RCOR3: variants seen among roughly 807,000 people sequenced by gnomAD.
The protein encoded by RCOR3 is REST corepressor 3.
RCOR3 carries 13 observed loss-of-function variants against 64.1 expected under a neutral mutation model. That is an observed-to-expected ratio of 0.20 (90% CI 0.13 to 0.32). The LOEUF is 0.32. Among genes scored for constraint, RCOR3 ranks in the 10% least tolerant of loss-of-function variants. RCOR3 has a pLI of 1.00. For synonymous variants in RCOR3, 215 were observed against 239.0 expected, an observed-to-expected ratio of 0.90 and a Z score of 0.93; for missense variants, 489 against 701.2, an observed-to-expected ratio of 0.70 and a Z score of 3.42.
At chr1:211,292,005 A>T (rs1317711438) in intron 8 of RCOR3, among the ~76,000 whole-genome samples, 3 of 152,158 alleles carry the variant, frequency 2.0e-5, no homozygotes, top group Non-Finnish European at 4.4e-5. Context: ...TCTGTAGTGT[A>T]GTCCTAGCAA....
intron 2 of RCOR3, among the ~76,000 whole-genome samples, chr1:211,265,406 A>C (rs763196266): frequency 6.6e-6 from 1 of 151,968 alleles, no homozygotes; most frequent in African/African-American, 2.4e-5. Context: ...ATCATATATA[A>C]TTTTTTTTGT....
chr1:211,311,649 T>G (rs1183312373), intron 10 of RCOR3, among the ~76,000 whole-genome samples: 1 of 152,204 alleles, frequency 6.6e-6, no homozygotes, highest in African/African-American at 2.4e-5. Flanking sequence ...TGTTATTAAT[T>G]TAAGCCCCCA....
rs1427058317 is a variant in RCOR3 at position 211,295,743 on chromosome 1, A to G, written c.1007A>G (p.Lys336Arg). Reference protein sequence around the residue: ...QKMEGGIEEFKPPESNQKINA... With the variant: ...QKMEGGIEEFRPPESNQKINA... ...ATGGAAGGTGGAATTGAAGAATTCA[A>G]ACCTCCTGAGGTATGTTATTGAAGG... The change falls in exon 9 of 12, where the codon AAA becomes AGA. Residue 336 changes from lysine to arginine, a missense_variant. Physicochemically the swap from Lys to Arg is conservative, Grantham distance 26 (BLOSUM62 2). Around this residue, in one of 2 missense-constraint regions of RCOR3, gnomAD observed 402 missense variants for 617.0 expected, o/e 0.65. Coordinates refer to ENST00000419091, the MANE Select transcript of RCOR3 (RefSeq NM_001136223.3). The G allele has an allele frequency of 3.1e-6, 5 of 1,613,164 alleles. No individual in the cohort carries two copies. The highest frequency in any genetic ancestry group is 2.2e-5 in the South Asian group (2 of 91,066).
intron 8 of RCOR3, among the ~76,000 whole-genome samples, chr1:211,293,491 C>A (rs1170570826): frequency 2.6e-5 from 4 of 152,172 alleles, no homozygotes; most frequent in Non-Finnish European, 5.9e-5. Flanking sequence ...GCTTGTCTGC[C>A]AGTTTAATTC....
intron 7 of RCOR3, among the ~76,000 whole-genome samples, chr1:211,287,880 G>A (rs1281761743): frequency 1.3e-5 from 2 of 151,252 alleles, no homozygotes; most frequent in African/African-American, 2.4e-5. Context: ...ATTTTTTTTT[G>A]TTAACGAATT....
intron 9 of RCOR3, among the ~76,000 whole-genome samples, chr1:211,300,600 C>G (rs1410010068): frequency 2.6e-5 from 4 of 152,150 alleles, no homozygotes; most frequent in Admixed American, 6.5e-5. Flanking sequence ...CCAAGTTGTT[C>G]TCAAAATTCA....
At chr1:211,294,706 C>T (rs898582805) in intron 8 of RCOR3, among the ~76,000 whole-genome samples, 1 of 151,238 alleles carries the variant, frequency 6.6e-6, no homozygotes, top group Non-Finnish European at 1.5e-5. Flanking sequence ...TCTGCTGCCT[C>T]AGCCTCCTGA....
At position 211,291,387 on chromosome 1, in the gene RCOR3, C is replaced by T. The variant is rs1261122212; in HGVS notation, c.939+1991C>T. 3.4e-5 allele frequency: 10 copies of T among 293,576 alleles called. 1 individual carries two copies. In the East Asian group the frequency reaches 4.6e-4, roughly 13 times the overall value. 18.2% of individuals were successfully genotyped at this position (293,576 alleles called of 1,614,324 possible). The stretch of plus-strand genomic sequence containing the variant: ...TGGAGCATTTTGGATTTTGGGTTTT[C>T]GGATTAGGGATGTACAACTGGTATA... On this transcript the variant is annotated intron_variant, in intron 8 of 11. Transcript: ENST00000419091.
At chr1:211,288,824 A>T (rs1280772886) in intron 7 of RCOR3, among the ~76,000 whole-genome samples, 1 of 152,042 alleles carries the variant, frequency 6.6e-6, no homozygotes, top group Non-Finnish European at 1.5e-5. Flanking sequence ...TTTGCATTTA[A>T]TAAGGTGGCT....
intron 2 of RCOR3, among the ~76,000 whole-genome samples, chr1:211,270,894 C>G (rs1301412022): frequency 6.8e-6 from 1 of 147,582 alleles, no homozygotes; most frequent in South Asian, 2.1e-4. Context: ...CTCGCTCTTT[C>G]ACCCAGGCTG....
At chr1:211,287,515 G>C (rs1347263564) in intron 7 of RCOR3, among the ~76,000 whole-genome samples, 1 of 152,214 alleles carries the variant, frequency 6.6e-6, no homozygotes, top group Admixed American at 6.5e-5. Context: ...CTACTGGGAG[G>C]AGTTTCTCTG....
At chr1:211,285,297 AAGGTTTTTGACTC>A (rs1299944788) in intron 7 of RCOR3, among the ~76,000 whole-genome samples, 2 of 152,196 alleles carry the variant, frequency 1.3e-5, no homozygotes, top group African/African-American at 4.8e-5. Flanking sequence ...GTTGTTATTA[AAGGTTTTTGACTC>A]ATTCACATTG....
intron 3 of RCOR3, among the ~76,000 whole-genome samples, chr1:211,273,000 G>A (rs2102480658): frequency 6.6e-6 from 1 of 152,270 alleles, no homozygotes; most frequent in South Asian, 2.1e-4. Flanking sequence ...AGTTGGTATT[G>A]TTCAGCATAT....
chr1:211,275,050 A>G (rs895659755), intron 4 of RCOR3, among the ~76,000 whole-genome samples: 7 of 151,220 alleles, frequency 4.6e-5, no homozygotes, highest in African/African-American at 1.7e-4. Context: ...ATAATATACT[A>G]TATATAGAGA....
At chr1:211,271,719 C>A (rs1317648625) in intron 3 of RCOR3, 1 of 317,416 alleles carries the variant, frequency 3.2e-6, no homozygotes, top group Non-Finnish European at 6.3e-6. Flanking sequence ...GAACTGACTT[C>A]AGCAGCCATC....
chr1:211,265,485 A>G (rs956800080), intron 2 of RCOR3, among the ~76,000 whole-genome samples: 4 of 152,174 alleles, frequency 2.6e-5, no homozygotes, highest in Non-Finnish European at 4.4e-5. Flanking sequence ...TGGGAAGCCA[A>G]GGCAGGTGGA....
At position 211,289,351 on chromosome 1, in the gene RCOR3, C is replaced by T. The variant is rs777075105; in HGVS notation, c.894C>T (p.Thr298=). Reference sequence around the variant, plus strand: ...CCTGTAGTCCCAATGCAGCCAACACCATCCTGAGGCAACTGGACATGGAGT... The same window carrying T: ...CCTGTAGTCCCAATGCAGCCAACACTATCCTGAGGCAACTGGACATGGAGT... The part of the protein sequence containing the change: ...AVSCSPNAAN[T]ILRQLDMELI... The change falls in exon 8 of 12, where the codon ACC becomes ACT. Residue 298 remains threonine (T), a synonymous_variant. Coordinates refer to ENST00000419091, the MANE Select transcript of RCOR3 (RefSeq NM_001136223.3). 1 of 1,614,112 alleles carries T rather than the reference C, an allele frequency of 6.2e-7. No homozygotes were observed. The highest frequency in any genetic ancestry group is 2.2e-5 in the East Asian group (1 of 44,888).
Position 211,314,014 on chromosome 1 carries a change from A to C in RCOR3, c.*246A>C. ...GTATATGTTCAGCAATGTTGATCTC[A>C]TAAAAGGAAAAACAAAAGATTTAAG... On this transcript the variant is annotated 3_prime_UTR_variant, in exon 12 of 12. Transcript: ENST00000419091. The C allele has an allele frequency of 8.7e-6, 4 of 458,350 alleles. No individual in the cohort carries two copies. Among genetic ancestry groups the C allele is most frequent in the Non-Finnish European group, 1.5e-5 (4 of 258,690 alleles). 28.4% of individuals were successfully genotyped at this position (458,350 alleles called of 1,614,324 possible). A position where few individuals can be genotyped will look rare whatever the true frequency, so the allele number is the denominator to read the frequency against.
chr1:211,289,350 C>G lies in RCOR3; in HGVS notation c.893C>G (p.Thr298Ser), dbSNP rs1357822795. ...AVSCSPNAAN[T>S]ILRQLDMELI... is the part of the protein sequence containing the mutation. ...TCCTGTAGTCCCAATGCAGCCAACACCATCCTGAGGCAACTGGACATGGAG... is the reference window on the plus strand; with the variant it reads ...TCCTGTAGTCCCAATGCAGCCAACAGCATCCTGAGGCAACTGGACATGGAG... Residue 298 changes from threonine to serine, a missense_variant, in exon 8 of 12, where the codon ACC becomes AGC. Physicochemically the swap from Thr to Ser is moderately conservative, Grantham distance 58. Coordinates refer to ENST00000419091, the MANE Select transcript of RCOR3 (RefSeq NM_001136223.3). 9.9e-6 allele frequency: 16 copies of G among 1,614,100 alleles called. No individual in the cohort carries two copies. Among genetic ancestry groups the G allele is most frequent in the Non-Finnish European group, 1.4e-5 (16 of 1,180,006 alleles).
Sources: gnomAD v4.1 joint callset for allele counts (sites outside exome capture counted in the v4.1 genomes callset) on GRCh38, gnomAD v4.1.1 for gene constraint, gnomAD v4.1.1 regional missense constraint, MANE v1.5 for transcripts, NCBI Gene and HGNC (gene_info 2026-07-23, HGNC 2026-07-21) for gene names.